AFAP1: variants seen among roughly 807,000 people sequenced by gnomAD.
AFAP1 encodes actin filament-associated protein 1.
In AFAP1, 75 loss-of-function variants were observed where a neutral mutation model predicts 93.9. The ratio of observed to expected loss-of-function variants is 0.80; its 90% confidence interval spans 0.66 to 0.97. AFAP1 has a LOEUF of 0.97. AFAP1 is among the 50% of genes least tolerant of loss of function. The pLI is 0.00. For synonymous variants in AFAP1, 517 were observed against 430.7 expected (o/e 1.20, Z -2.48); for missense variants, 1,201 against 1,050.8 (o/e 1.14, Z -1.98).
intron 16 of AFAP1, among the ~76,000 whole-genome samples, chr4:7,770,567 G>C (rs1273273397): frequency 6.6e-6 from 1 of 152,212 alleles, no homozygotes; most frequent in African/African-American, 2.4e-5. Flanking sequence ...GGGGGAGCAG[G>C]AGGCCAGGCA....
intron 4 of AFAP1, among the ~76,000 whole-genome samples, chr4:7,845,280 G>C (rs142976279): frequency 6.6e-5 from 10 of 152,144 alleles, no homozygotes; most frequent in African/African-American, 2.4e-4. Flanking sequence ...AGGCTAGCCA[G>C]GCATGGTAGG....
chr4:7,806,328 C>T (rs761516414), intron 9 of AFAP1, among the ~76,000 whole-genome samples: 13 of 152,216 alleles, frequency 8.5e-5, no homozygotes, highest in Non-Finnish European at 1.5e-4. Flanking sequence ...CCTTTCCAGC[C>T]GGCAAGCACC....
intron 1 of AFAP1, among the ~76,000 whole-genome samples, chr4:7,926,688 G>A (rs776873625): frequency 1.5e-4 from 23 of 152,168 alleles, no homozygotes; most frequent in Non-Finnish European, 2.8e-4. Flanking sequence ...TATGGCTGCT[G>A]TAGGGCCTCT....
At chr4:7,855,321 C>G in intron 4 of AFAP1, 145 bp downstream of exon 4, 1 of 620,592 alleles carries the variant, frequency 1.6e-6, no homozygotes, top group Non-Finnish European at 2.8e-6. Flanking sequence ...CTTTCCTGTA[C>G]TGACAATCTC....
At chr4:7,875,154 G>A (rs1717412803) in intron 1 of AFAP1, among the ~76,000 whole-genome samples, 4 of 152,248 alleles carry the variant, frequency 2.6e-5, no homozygotes, top group Non-Finnish European at 1.5e-5. Flanking sequence ...AAAAGCCTAA[G>A]CAAAAAAGTT....
chr4:7,894,109 G>T (rs1445669231), intron 1 of AFAP1, among the ~76,000 whole-genome samples: 1 of 152,148 alleles, frequency 6.6e-6, no homozygotes, highest in African/African-American at 2.4e-5. Context: ...AATGACTTGG[G>T]AACAGTGGGG....
intron 13 of AFAP1, 21 bp from the exon 14 acceptor site, chr4:7,778,897 G>T (rs773622438): frequency 6.7e-7 from 1 of 1,501,910 alleles, no homozygotes; most frequent in Non-Finnish European, 9.1e-7. Context: ...AAACATATAA[G>T]AACATTAAAA....
At chr4:7,914,482 G>A (rs1301167979) in intron 1 of AFAP1, among the ~76,000 whole-genome samples, 1 of 152,164 alleles carries the variant, frequency 6.6e-6, no homozygotes, top group African/African-American at 2.4e-5. Flanking sequence ...ACTTCATCCT[G>A]TGTTACGGCT....
chr4:7,866,122 C>G (rs1396854542), intron 3 of AFAP1, among the ~76,000 whole-genome samples: 1 of 152,130 alleles, frequency 6.6e-6, no homozygotes, highest in East Asian at 1.9e-4. Flanking sequence ...GTCTCAAACT[C>G]CTGACCTCAG....
chr4:7,860,884 C>T (rs1179596117), intron 3 of AFAP1, among the ~76,000 whole-genome samples: 1 of 152,238 alleles, frequency 6.6e-6, no homozygotes, highest in Non-Finnish European at 1.5e-5. Context: ...CCAAGGCAGA[C>T]CCAGCACCTT....
chr4:7,768,188 C>G (rs1442171718), intron 17 of AFAP1, among the ~76,000 whole-genome samples: 2 of 152,274 alleles, frequency 1.3e-5, no homozygotes, highest in Non-Finnish European at 2.9e-5. Flanking sequence ...GGCTCCCCAG[C>G]TCACACCATC....
chr4:7,818,928 A>C, intron 7 of AFAP1, 148 bp downstream of exon 7: 1 of 664,786 alleles, frequency 1.5e-6, no homozygotes, highest in Non-Finnish European at 2.4e-6. Context: ...AGCGCAAAGC[A>C]GGCAGTTAAA....
In AFAP1 at chr4:7,843,238, G is replaced by A. The variant is rs772322242; in HGVS notation, c.447C>T (p.Asp149=). The A allele has an allele frequency of 2.3e-5, 37 of 1,614,076 alleles. No individual in the cohort carries two copies. Among genetic ancestry groups the A allele is most frequent in the Non-Finnish European group, 3.1e-5 (37 of 1,180,050 alleles). ...HQWPSEEASM[D]LVKDAKICAF... ...CGCAGATTTTGGCGTCCTTGACCAG[G>A]TCCATGGAGGCCTCCTCGGAGGGCC... The change falls in exon 5 of 18, where the codon GAC becomes GAT. Residue 149 remains aspartate, a synonymous_variant. Transcript: ENST00000420658.
intron 1 of AFAP1, among the ~76,000 whole-genome samples, chr4:7,903,162 G>T (rs1719212168): frequency 6.6e-6 from 1 of 152,126 alleles, no homozygotes; most frequent in Non-Finnish European, 1.5e-5. Context: ...GAAGAATAAG[G>T]TTCTTTCAGC....
At chr4:7,860,165 G>A (rs1442208392) in intron 3 of AFAP1, among the ~76,000 whole-genome samples, 1 of 152,122 alleles carries the variant, frequency 6.6e-6, no homozygotes, top group African/African-American at 2.4e-5. Context: ...TTTGTAAAAT[G>A]ATATGTTATA....
At chr4:7,917,491 T>C (rs1473206689) in intron 1 of AFAP1, among the ~76,000 whole-genome samples, 2 of 152,210 alleles carry the variant, frequency 1.3e-5, no homozygotes, top group East Asian at 3.8e-4. Context: ...ATTTGAACTA[T>C]TTTTAATGAG....
intron 1 of AFAP1, among the ~76,000 whole-genome samples, chr4:7,924,249 C>G (rs1720598481): frequency 6.6e-6 from 1 of 152,190 alleles, no homozygotes; most frequent in Non-Finnish European, 1.5e-5. Context: ...AGCAAACCTC[C>G]AAGGTCCCTT....
At chr4:7,798,236 C>T (rs575217456) in intron 10 of AFAP1, among the ~76,000 whole-genome samples, 4 of 143,572 alleles carry the variant, frequency 2.8e-5, no homozygotes, top group Admixed American at 1.4e-4. Context: ...GGCTGGCTCA[C>T]GGCACTGCAA....
chr4:7,889,861 A>T (rs1718354332), intron 1 of AFAP1, among the ~76,000 whole-genome samples: 1 of 151,746 alleles, frequency 6.6e-6, no homozygotes, highest in Non-Finnish European at 1.5e-5. Flanking sequence ...AGAAAACACC[A>T]GTCTATGTCT....
Sources: allele counts gnomAD v4.1 joint callset (sites outside exome capture counted in the v4.1 genomes callset), GRCh38; gene constraint gnomAD v4.1.1; transcripts MANE v1.5; gene names NCBI Gene and HGNC (gene_info 2026-07-23, HGNC 2026-07-21).